The following LEPR variants were observed in gnomAD, a reference collection of about 807,000 sequenced individuals.
LEPR encodes the protein leptin receptor.
LEPR carries 56 observed loss-of-function variants against 114.7 expected under a neutral mutation model. The ratio of observed to expected loss-of-function variants is 0.49; its 90% CI spans 0.39 to 0.61. The LOEUF (loss-of-function observed/expected upper bound fraction) is 0.61, where lower values mean the gene tolerates loss of function less well. Among genes scored for constraint, LEPR ranks in the 20% least tolerant of loss-of-function variants. LEPR has a pLI of 0.00. For synonymous variants in LEPR, 443 were observed against 461.4 expected (o/e 0.96, Z 0.51); for missense variants, 1,202 against 1,352.9 (o/e 0.89, Z 1.75).
At chr1:65,495,421 A>G (rs150131793) in intron 2 of LEPR, among the ~76,000 whole-genome samples, 118 of 152,338 alleles carry the variant, frequency 7.7e-4, no homozygotes, top group Admixed American at 2.1e-3. Flanking sequence ...CTATGTGAAG[A>G]AATGGGAACC....
intron 2 of LEPR, among the ~76,000 whole-genome samples, chr1:65,475,876 C>A (rs1457834243): frequency 6.6e-6 from 1 of 151,620 alleles, no homozygotes; most frequent in Non-Finnish European, 1.5e-5. Context: ...TTTAGCTGGG[C>A]ATGGTGGTGT....
rs774153035 is a variant in LEPR, at chr1:65,488,214, C to CTTTCTTTCTTTCTT, written c.-21+62837_-21+62838insTTCTTTCTTTCTTT. On this transcript the variant is annotated intron_variant, in intron 2 of 19. Coordinates refer to ENST00000349533, the MANE Select transcript of LEPR (RefSeq NM_002303.6). The stretch of plus-strand genomic sequence containing the variant: ...TTTCTTTCTTTCTTTCTTTCTTTCT[C>CTTTCTTTCTTTCTT]TCTCTCTCTCTCTCTTTCTTTCTTT... 4.6e-3 allele frequency among the ~76,000 whole-genome samples: 213 copies of CTTTCTTTCTTTCTT among 46,716 alleles called. 4 individuals are homozygous for CTTTCTTTCTTTCTT. Among genetic ancestry groups the CTTTCTTTCTTTCTT allele is most frequent in the South Asian group, 6.1e-3 (6 of 982 alleles). The allele number at this position is 46,716 out of a possible 152,430, so 30.6% of individuals were successfully genotyped here.
chr1:65,509,746 CT>C (rs1398288092), intron 2 of LEPR, among the ~76,000 whole-genome samples: 1 of 152,016 alleles, frequency 6.6e-6, no homozygotes, highest in Non-Finnish European at 1.5e-5. Context: ...TAAAAACTTC[CT>C]TTGTTTTTAT....
chr1:65,623,789 C>T (rs1658027865), intron 19 of LEPR, among the ~76,000 whole-genome samples: 1 of 152,172 alleles, frequency 6.6e-6, no homozygotes, highest in East Asian at 1.9e-4. Context: ...CCCCCTGAAG[C>T]TATTAATAGT....
At chr1:65,481,259 C>T (rs1647228636) in intron 2 of LEPR, among the ~76,000 whole-genome samples, 1 of 152,172 alleles carries the variant, frequency 6.6e-6, no homozygotes, top group Non-Finnish European at 1.5e-5. Context: ...TCTCTAAATA[C>T]AGTCACAATT....
At chr1:65,631,934 C>A (rs1658540245) in intron 19 of LEPR, among the ~76,000 whole-genome samples, 1 of 152,038 alleles carries the variant, frequency 6.6e-6, no homozygotes, top group African/African-American at 2.4e-5. Context: ...CCTTTTTATT[C>A]TTTATTTTAC....
intron 2 of LEPR, among the ~76,000 whole-genome samples, chr1:65,454,619 C>G (rs1001491636): frequency 3.3e-5 from 5 of 152,212 alleles, no homozygotes; most frequent in African/African-American, 9.7e-5. Context: ...CCCCCACTCT[C>G]TTCTGGCTTG....
At chr1:65,454,420 C>T (rs1646837235) in intron 2 of LEPR, among the ~76,000 whole-genome samples, 1 of 151,930 alleles carries the variant, frequency 6.6e-6, no homozygotes, top group Non-Finnish European at 1.5e-5. Context: ...GCGGCTGGTA[C>T]CGGTTGTTCC....
At chr1:65,625,396 G>A (rs1172986516) in intron 19 of LEPR, among the ~76,000 whole-genome samples, 1 of 152,066 alleles carries the variant, frequency 6.6e-6, no homozygotes, top group Non-Finnish European at 1.5e-5. Flanking sequence ...GTATGCCCTG[G>A]CATTATAAGG....
intron 4 of LEPR, among the ~76,000 whole-genome samples, chr1:65,571,142 G>A (rs1490263590): frequency 6.6e-6 from 1 of 152,152 alleles, no homozygotes; most frequent in East Asian, 1.9e-4. Flanking sequence ...AAATATTCAT[G>A]AATAATAATA....
chr1:65,470,762 G>T (rs1000771033), intron 2 of LEPR, among the ~76,000 whole-genome samples: 2 of 152,206 alleles, frequency 1.3e-5, no homozygotes, highest in African/African-American at 4.8e-5. Flanking sequence ...ATCCAAATGA[G>T]TGCTTTCTTT....
At chr1:65,502,506 A>C (rs1648505847) in intron 2 of LEPR, among the ~76,000 whole-genome samples, 1 of 152,088 alleles carries the variant, frequency 6.6e-6, no homozygotes, top group South Asian at 2.1e-4. Context: ...AGTGTGGTCC[A>C]GATGCTATTC....
chr1:65,505,471 A>G (rs1160392586), intron 2 of LEPR, among the ~76,000 whole-genome samples: 1 of 151,918 alleles, frequency 6.6e-6, no homozygotes, highest in African/African-American at 2.4e-5. Flanking sequence ...CCTTGTTTGT[A>G]CTCCAGGAGG....
intron 19 of LEPR, chr1:65,629,403 C>T (rs1658399525): frequency 2.3e-6 from 1 of 437,090 alleles, no homozygotes. Context: ...AACTAATAAA[C>T]TGAATTTGCA....
chr1:65,615,556 A>G (rs1444234203), intron 14 of LEPR, among the ~76,000 whole-genome samples: 1 of 152,188 alleles, frequency 6.6e-6, no homozygotes, highest in Admixed American at 6.5e-5. Flanking sequence ...ACTATGATCA[A>G]TATATGATGA....
intron 2 of LEPR, among the ~76,000 whole-genome samples, chr1:65,499,990 G>A (rs115939428): frequency 1.2e-3 from 187 of 152,142 alleles, no homozygotes; most frequent in African/African-American, 4.2e-3. Context: ...GGAGCTTGTG[G>A]GAAGTGATTG....
intron 19 of LEPR, chr1:65,634,715 C>G: frequency 1.1e-6 from 1 of 947,774 alleles, no homozygotes; most frequent in Non-Finnish European, 1.3e-6. Flanking sequence ...TGTATGTATT[C>G]CTTGTTTTCA....
intron 10 of LEPR, among the ~76,000 whole-genome samples, chr1:65,603,596 C>T (rs541775313): frequency 4.1e-4 from 63 of 152,236 alleles, no homozygotes; most frequent in Non-Finnish European, 5.6e-4. Flanking sequence ...GTTTGTCCAA[C>T]CCATGGCCTG....
chr1:65,448,601 T>G (rs1646741586), intron 2 of LEPR, among the ~76,000 whole-genome samples: 1 of 152,208 alleles, frequency 6.6e-6, no homozygotes, highest in Non-Finnish European at 1.5e-5. Flanking sequence ...TTGGTATAAT[T>G]TCTTCCTTAA....
Sources: gnomAD v4.1 joint callset for allele counts (sites outside exome capture counted in the v4.1 genomes callset) on GRCh38, gnomAD v4.1.1 for gene constraint, MANE v1.5 for transcripts, NCBI Gene and HGNC (gene_info 2026-07-23, HGNC 2026-07-21) for gene names.